The following SRD5A2 variants were observed in gnomAD, a reference collection of about 807,000 sequenced individuals.
SRD5A2 encodes the protein 3-oxo-5-alpha-steroid 4-dehydrogenase 2.
A neutral mutation model predicts 27.4 loss-of-function variants in SRD5A2; 30 were observed. The ratio of observed to expected loss-of-function variants is 1.10; its 90% confidence interval spans 0.82 to 1.49. The LOEUF is 1.49. SRD5A2 is among the 40% of genes most tolerant of loss of function. SRD5A2 has a pLI of 0.00. For synonymous variants in SRD5A2, 141 were observed against 133.6 expected (o/e 1.06, Z -0.38); for missense variants, 348 against 323.4 (o/e 1.08, Z -0.58).
the SRD5A2 span, among the ~76,000 whole-genome samples, chr2:31,644,961 C>A: frequency 6.6e-6 from 1 of 152,140 alleles, no homozygotes; most frequent in East Asian, 1.9e-4. Flanking sequence ...TAATTTATCT[C>A]AAAACTGAGT....
the SRD5A2 span, among the ~76,000 whole-genome samples, chr2:31,615,887 G>A: frequency 6.6e-6 from 1 of 152,192 alleles, no homozygotes; most frequent in African/African-American, 2.4e-5. Context: ...TTGGTGTCCT[G>A]CATCCCAAAT....
At chr2:31,620,064 A>G in the SRD5A2 span, among the ~76,000 whole-genome samples, 1 of 151,988 alleles carries the variant, frequency 6.6e-6, no homozygotes, top group Non-Finnish European at 1.5e-5. Flanking sequence ...AGGTTTTTAT[A>G]GTTTTGGGTT....
At chr2:31,634,544 T>G in the SRD5A2 span, among the ~76,000 whole-genome samples, 1 of 152,032 alleles carries the variant, frequency 6.6e-6, no homozygotes, top group African/African-American at 2.4e-5. Context: ...ATACCAATAC[T>G]CAGAATAATA....
At chr2:31,556,527 T>A (rs1035240138) in intron 1 of SRD5A2, among the ~76,000 whole-genome samples, 2 of 152,172 alleles carry the variant, frequency 1.3e-5, no homozygotes, top group African/African-American at 4.8e-5. Context: ...CATGGATTCT[T>A]ATACAAGAAA....
intron 1 of SRD5A2, among the ~76,000 whole-genome samples, chr2:31,547,210 A>G (rs1666280442): frequency 6.6e-6 from 1 of 152,246 alleles, no homozygotes; most frequent in East Asian, 1.9e-4. Context: ...TGGTTAAATG[A>G]TTTTTGACAA....
At chr2:31,549,101 TTA>T (rs1187825992) in intron 1 of SRD5A2, among the ~76,000 whole-genome samples, 1 of 145,532 alleles carries the variant, frequency 6.9e-6, no homozygotes, top group Non-Finnish European at 1.5e-5. Context: ...ATTATTATTA[TTA>T]TTATTATTAT....
Position 31,580,858 on chromosome 2 carries a change from C to T in SRD5A2, c.43G>A (p.Ala15Thr). The T allele has an allele frequency of 1.2e-6, 2 of 1,611,034 alleles. No homozygotes were observed. The highest frequency in any genetic ancestry group is 1.3e-5 in the African/African-American group (1 of 75,028). ...AGTGCCCCAAGGGCGACCAAAGTGG[C>T]GCTGCCTGCCAGCACTGGGCTCTGC... ...CQQSPVLAGS[A>T]TLVALGALAL... Residue 15 changes from alanine (A) to threonine (T), a missense_variant, in exon 1 of 5, where the codon GCC (alanine) becomes ACC (threonine). Coordinates refer to ENST00000622030, the MANE Select transcript of SRD5A2 (RefSeq NM_000348.4).
Position 31,531,466 on chromosome 2 carries a change from A to T in SRD5A2, c.452T>A (p.Phe151Tyr). The T allele has an allele frequency of 6.3e-7, 1 of 1,592,112 alleles. No homozygotes were observed. Among genetic ancestry groups the T allele is most frequent in the Non-Finnish European group, 8.6e-7 (1 of 1,167,710 alleles). ...TATTCCCATTCCCAAAATAAATAAG[A>T]AGACACCTTGACAAAGAAGAGAGAA... is the stretch of plus-strand genomic sequence containing the variant. The part of the protein sequence containing the change: ...YTDIRFSLGV[F>Y]LFILGMGINI... Residue 151 changes from phenylalanine (F) to tyrosine (Y), a missense_variant, in exon 3 of 5, where the codon TTC (phenylalanine) becomes TAC (tyrosine). Transcript: ENST00000622030.
chr2:31,622,951 A>AGCTTTTTCACCT, the SRD5A2 span, among the ~76,000 whole-genome samples: 417 of 152,106 alleles, frequency 2.7e-3, 3 homozygotes, highest in Non-Finnish European at 3.6e-3. Context: ...CCACTTATCA[A>AGCTTTTTCACCT]GCTTTTTCAC....
At position 31,523,654 on chromosome 2, in the gene SRD5A2, G is replaced by A. The variant is rs913464259; in HGVS notation, c.*2542C>T. ...TCCGTGAAAGCTTCAGCAAGACCAA[G>A]ATAGAGTATCTTGTGAGCTAGGACA... is the stretch of plus-strand genomic sequence containing the variant. On this transcript the variant is annotated 3_prime_UTR_variant, in exon 5 of 5. Transcript: ENST00000622030. 9.0e-6 allele frequency: 2 copies of A among 221,386 alleles called. No individual in the cohort carries two copies. The highest frequency in any genetic ancestry group is 1.8e-5 in the Non-Finnish European group (2 of 110,552). 13.7% of individuals were successfully genotyped at this position (221,386 alleles called of 1,614,324 possible).
the SRD5A2 span, among the ~76,000 whole-genome samples, chr2:31,605,332 A>G: frequency 6.6e-6 from 1 of 151,948 alleles, no homozygotes; most frequent in Non-Finnish European, 1.5e-5. Context: ...ACAGTAAAGG[A>G]AACAAACAGC....
At chr2:31,569,874 T>C (rs181269543) in intron 1 of SRD5A2, among the ~76,000 whole-genome samples, 5 of 151,982 alleles carry the variant, frequency 3.3e-5, no homozygotes, top group Non-Finnish European at 5.9e-5. Flanking sequence ...CAAAGAAAAA[T>C]GGAAAAATTA....
Position 31,524,475 on chromosome 2 carries a change from C to G in SRD5A2, c.*1721G>C, listed in dbSNP as rs1424416359. 1.7e-5 allele frequency: 4 copies of G among 229,770 alleles called. No individual in the cohort carries two copies. The highest frequency in any genetic ancestry group is 1.1e-4 in the Admixed American group (2 of 17,644). The allele number at this position is 229,770 out of a possible 1,614,324, so 14.2% of individuals were successfully genotyped here. A position where few individuals can be genotyped will look rare whatever the true frequency, so the allele number is the denominator to read the frequency against. On this transcript the variant is annotated 3_prime_UTR_variant, in exon 5 of 5. Coordinates refer to ENST00000622030, the MANE Select transcript of SRD5A2 (RefSeq NM_000348.4). The stretch of plus-strand genomic sequence containing the variant: ...AGAAGAAAGGAAACGACACTACAGA[C>G]AGGGTGAATGGGAATGAGGGACAGG...
At chr2:31,635,647 G>A in the SRD5A2 span, among the ~76,000 whole-genome samples, 1 of 152,034 alleles carries the variant, frequency 6.6e-6, no homozygotes, top group Admixed American at 6.6e-5. Context: ...CAACGTCCTA[G>A]AACATTTCTC....
intron 1 of SRD5A2, among the ~76,000 whole-genome samples, chr2:31,545,564 G>C (rs778983078): frequency 1.3e-5 from 2 of 152,062 alleles, no homozygotes; most frequent in Non-Finnish European, 2.9e-5. Flanking sequence ...AGAATGGAAG[G>C]CAACTTCCTC....
At chr2:31,591,509 C>A in the SRD5A2 span, among the ~76,000 whole-genome samples, 1 of 151,930 alleles carries the variant, frequency 6.6e-6, no homozygotes, top group Admixed American at 6.6e-5. Flanking sequence ...CTAGTTCAAC[C>A]ATTGTGGAAG....
intron 1 of SRD5A2, among the ~76,000 whole-genome samples, chr2:31,557,356 T>C (rs1340648823): frequency 6.6e-6 from 1 of 152,258 alleles, no homozygotes; most frequent in Non-Finnish European, 1.5e-5. Context: ...GTGGCAGATT[T>C]AACTAATTTG....
upstream of SRD5A2, among the ~76,000 whole-genome samples, chr2:31,582,683 C>G (rs1321743162): frequency 6.6e-6 from 1 of 152,124 alleles, no homozygotes; most frequent in African/African-American, 2.4e-5. Context: ...TGGAAAACTC[C>G]ACTTACATGT....
chr2:31,545,293 C>T (rs1268524465), intron 1 of SRD5A2, among the ~76,000 whole-genome samples: 1 of 152,042 alleles, frequency 6.6e-6, no homozygotes, highest in Middle Eastern at 3.4e-3. Context: ...AATTATAGAG[C>T]AGTATTTTTT....
Sources: gnomAD v4.1 joint callset for allele counts (sites outside exome capture counted in the v4.1 genomes callset) on GRCh38, gnomAD v4.1.1 for gene constraint, MANE v1.5 for transcripts, NCBI Gene and HGNC (gene_info 2026-07-23, HGNC 2026-07-21) for gene names.